SRGAP1: variants seen among roughly 807,000 people sequenced by gnomAD.
SRGAP1 encodes the protein SLIT-ROBO Rho GTPase activating protein 1.
SRGAP1 carries 43 observed loss-of-function variants against 121.9 expected under a neutral mutation model. The ratio of observed to expected loss-of-function variants is 0.35; its 90% confidence interval spans 0.28 to 0.46. The LOEUF (loss-of-function observed/expected upper bound fraction) is 0.46, where lower values mean the gene tolerates loss of function less well. SRGAP1 is among the 20% of genes least tolerant of loss of function. The pLI is 1.00. For missense variants in SRGAP1, 1,102 were observed against 1,350.9 expected (o/e 0.82, Z 2.89); for synonymous variants, 447 against 485.4 (o/e 0.92, Z 1.04).
chr12:63,884,972 G>A (rs1161779715), intron 1 of SRGAP1, among the ~76,000 whole-genome samples: 3 of 151,802 alleles, frequency 2.0e-5, no homozygotes, highest in African/African-American at 2.4e-5. Context: ...CGCCCGCCTC[G>A]GCCTCCCAAA....
chr12:63,916,241 T>C (rs2136322039), intron 1 of SRGAP1, among the ~76,000 whole-genome samples: 1 of 152,158 alleles, frequency 6.6e-6, no homozygotes, highest in South Asian at 2.1e-4. Flanking sequence ...CCCAGGCTGG[T>C]CTCAAATTCC....
chr12:64,086,897 C>A, intron 10 of SRGAP1, 102 bp from the exon 11 acceptor site: 1 of 821,344 alleles, frequency 1.2e-6, no homozygotes, highest in Non-Finnish European at 2.0e-6. Context: ...TAAGTTATTA[C>A]AAACTCAGTG....
At chr12:64,060,187 T>C (rs192055200) in intron 6 of SRGAP1, among the ~76,000 whole-genome samples, 1 of 150,236 alleles carries the variant, frequency 6.7e-6, no homozygotes, top group East Asian at 1.9e-4. Flanking sequence ...TTTTCTTCCT[T>C]CCTTTCTTTC....
rs1161787473 is a variant in SRGAP1, at chr12:64,147,458, G to A, written c.*4786G>A. ...CATCCCCGCCTTCCTGTGCCTCGGTGCTCAGTAATGTCCCATCTCACCTCC... is the reference window on the plus strand; with the variant it reads ...CATCCCCGCCTTCCTGTGCCTCGGTACTCAGTAATGTCCCATCTCACCTCC... On this transcript the variant is annotated 3_prime_UTR_variant, in exon 22 of 22. Transcript: ENST00000355086. The A allele has an allele frequency of 5.1e-6, 2 of 393,804 alleles. No individual in the cohort carries two copies. Among genetic ancestry groups the A allele is most frequent in the Non-Finnish European group, 8.9e-6 (2 of 224,120 alleles). 24.4% of individuals were successfully genotyped at this position (393,804 alleles called of 1,614,324 possible). A position where few individuals can be genotyped will look rare whatever the true frequency, so the allele number is the denominator to read the frequency against.
intron 1 of SRGAP1, among the ~76,000 whole-genome samples, chr12:63,937,389 T>C (rs561331640): frequency 6.6e-6 from 1 of 152,200 alleles, no homozygotes; most frequent in Non-Finnish European, 1.5e-5. Context: ...TAATCTACTA[T>C]AGAACTTGAA....
At chr12:63,872,553 T>C (rs956852260) in intron 1 of SRGAP1, among the ~76,000 whole-genome samples, 1 of 152,228 alleles carries the variant, frequency 6.6e-6, no homozygotes, top group Non-Finnish European at 1.5e-5. Flanking sequence ...GTGACTCCAT[T>C]ATATTGTTAA....
intron 10 of SRGAP1, 67 bp from the exon 11 acceptor site, chr12:64,086,932 C>G: frequency 8.2e-7 from 1 of 1,215,284 alleles, no homozygotes; most frequent in Non-Finnish European, 1.2e-6. Flanking sequence ...ATAGGAGATA[C>G]AAAAGAGTAC....
intron 8 of SRGAP1, among the ~76,000 whole-genome samples, chr12:64,070,055 C>T (rs959895346): frequency 3.9e-5 from 6 of 152,124 alleles, no homozygotes; most frequent in Admixed American, 6.5e-5. Context: ...TTTCAGCCAC[C>T]GGTCCAGCAT....
chr12:64,005,720 A>G (rs2136444779), intron 3 of SRGAP1, among the ~76,000 whole-genome samples: 1 of 151,960 alleles, frequency 6.6e-6, no homozygotes, highest in East Asian at 1.9e-4. Flanking sequence ...ATCTACTATT[A>G]TAATCAGCTT....
intron 1 of SRGAP1, among the ~76,000 whole-genome samples, chr12:63,922,720 C>T (rs1351838283): frequency 3.3e-5 from 5 of 152,200 alleles, no homozygotes; most frequent in Non-Finnish European, 7.3e-5. Flanking sequence ...GGCATTGTTG[C>T]ATGGGAGGCA....
At chr12:64,092,469 T>TATAC (rs200490527) in intron 12 of SRGAP1, among the ~76,000 whole-genome samples, 2,272 of 128,222 alleles carry the variant, frequency 0.018, 21 homozygotes, top group Middle Eastern at 0.044. Flanking sequence ...TACATACATA[T>TATAC]ATACATACAT....
chr12:63,886,227 A>AT (rs1283588799), intron 1 of SRGAP1, among the ~76,000 whole-genome samples: 3 of 151,998 alleles, frequency 2.0e-5, no homozygotes, highest in East Asian at 3.9e-4. Flanking sequence ...CGCCTGTCTA[A>AT]TTTTTTGTAT....
At chr12:64,119,990 C>T (rs987846215) in intron 18 of SRGAP1, among the ~76,000 whole-genome samples, 4 of 151,940 alleles carry the variant, frequency 2.6e-5, no homozygotes, top group Non-Finnish European at 5.9e-5. Context: ...AGGCTGGTCT[C>T]AAACTCCTGA....
intron 1 of SRGAP1, among the ~76,000 whole-genome samples, chr12:63,944,365 A>G (rs904501772): frequency 1.4e-4 from 21 of 152,170 alleles, no homozygotes; most frequent in African/African-American, 2.4e-4. Flanking sequence ...GGCAGATTCA[A>G]TGTCTACTAA....
chr12:64,056,104 G>T (rs747705160), intron 6 of SRGAP1, among the ~76,000 whole-genome samples: 3 of 152,066 alleles, frequency 2.0e-5, no homozygotes, highest in Non-Finnish European at 4.4e-5. Context: ...AGAAAATAAT[G>T]CCACTTTCCG....
intron 1 of SRGAP1, among the ~76,000 whole-genome samples, chr12:63,867,507 C>A (rs1899677507): frequency 6.6e-6 from 1 of 152,078 alleles, no homozygotes; most frequent in South Asian, 2.1e-4. Context: ...GAGGTTGAGA[C>A]CTTGGATAAA....
rs947494538 is a variant in SRGAP1 at position 63,894,633 on chromosome 12, C to G, written c.67+49750C>G. Among the ~76,000 whole-genome samples the G allele has an allele frequency of 3.3e-5, 5 of 152,118 alleles. No homozygotes were observed. The South Asian group carries it at 1.0e-3, about 32-fold the overall frequency. On this transcript the variant is annotated intron_variant, in intron 1 of 21. Coordinates refer to ENST00000355086, the MANE Select transcript of SRGAP1 (RefSeq NM_020762.4). ...ATTGTCCCTCCCCACTTCCCCACCC[C>G]ACGACAGGCCCCGGTGTGTGATGTT...
intron 1 of SRGAP1, among the ~76,000 whole-genome samples, chr12:63,926,802 T>C (rs1037569323): frequency 6.6e-6 from 1 of 152,202 alleles, no homozygotes; most frequent in Non-Finnish European, 1.5e-5. Context: ...CTTTTCCCAA[T>C]GTGAAACTTT....
chr12:63,945,545 T>C (rs771814357), intron 1 of SRGAP1, among the ~76,000 whole-genome samples: 1 of 152,214 alleles, frequency 6.6e-6, no homozygotes, highest in Non-Finnish European at 1.5e-5. Context: ...CTCTTACTGC[T>C]CCACATCTTG....
Sources: allele counts gnomAD v4.1 joint callset (sites outside exome capture counted in the v4.1 genomes callset), GRCh38; gene constraint gnomAD v4.1.1; transcripts MANE v1.5; gene names NCBI Gene and HGNC (gene_info 2026-07-23, HGNC 2026-07-21).